The following ANKS1B variants were observed in gnomAD, a reference collection of about 807,000 sequenced individuals.
ANKS1B encodes ankyrin repeat and sterile alpha motif domain containing 1B, also known as ankyrin repeat and sterile alpha motif domain-containing protein 1B.
In ANKS1B, 36 loss-of-function variants were observed where a neutral mutation model predicts 148.3. The ratio of observed to expected loss-of-function variants is 0.24; its 90% CI spans 0.19 to 0.32. ANKS1B has a LOEUF of 0.32. Among genes scored for constraint, ANKS1B ranks in the 10% least tolerant of loss-of-function variants. The probability of loss-of-function intolerance (pLI) is 1.00; values close to 1 mark genes in which losing one functional copy is unlikely to be tolerated. For missense variants in ANKS1B, 1,157 were observed against 1,542.6 expected (o/e 0.75, Z 4.19); for synonymous variants, 542 against 560.8 (o/e 0.97, Z 0.47).
At chr12:99,847,194 C>T (rs1280249974) in intron 1 of ANKS1B, among the ~76,000 whole-genome samples, 1 of 151,566 alleles carries the variant, frequency 6.6e-6, no homozygotes, top group African/African-American at 2.4e-5. Context: ...CATTCTCAAA[C>T]TCCTAGGTTC....
intron 15 of ANKS1B, among the ~76,000 whole-genome samples, chr12:99,119,688 T>C (rs2062263024): frequency 2.0e-5 from 3 of 152,160 alleles, no homozygotes; most frequent in African/African-American, 4.8e-5. Flanking sequence ...TACTTACAAG[T>C]TGAAATTGAC....
chr12:99,165,104 G>T (rs1258071922), intron 14 of ANKS1B, among the ~76,000 whole-genome samples: 1 of 151,930 alleles, frequency 6.6e-6, no homozygotes, highest in East Asian at 1.9e-4. Flanking sequence ...TAAATGTATA[G>T]CACTAAATGC....
At chr12:98,896,242 A>T (rs2152742166) in intron 17 of ANKS1B, among the ~76,000 whole-genome samples, 1 of 152,360 alleles carries the variant, frequency 6.6e-6, no homozygotes, top group East Asian at 1.9e-4. Flanking sequence ...AAGGCTAGGC[A>T]TTTACTGCCT....
In ANKS1B at chr12:99,521,776, G is replaced by A. The variant is rs150525958; in HGVS notation, c.1273-17135C>T. ...CTGAGCCACCTGGAACTTGGGGTAT[G>A]GTGATGCAAGCACCCCTGTGGCCAC... On this transcript the variant is annotated intron_variant, in intron 9 of 26. Coordinates refer to ENST00000683438, the MANE Select transcript of ANKS1B (RefSeq NM_001352186.2). Among the ~76,000 whole-genome samples, 5 of 152,170 alleles carry A rather than the reference G, an allele frequency of 3.3e-5. No individual in the cohort carries two copies. The East Asian group carries it at 7.8e-4, about 24-fold the overall frequency.
intron 12 of ANKS1B, among the ~76,000 whole-genome samples, chr12:99,389,798 A>G (rs1210660772): frequency 1.3e-5 from 2 of 151,946 alleles, no homozygotes; most frequent in East Asian, 3.9e-4. Context: ...GATTTAAAAA[A>G]AAACAGATTT....
At chr12:99,880,739 TTCTAAG>T (rs974305273) in intron 1 of ANKS1B, among the ~76,000 whole-genome samples, 8 of 152,174 alleles carry the variant, frequency 5.3e-5, no homozygotes, top group African/African-American at 1.4e-4. Flanking sequence ...GAAATGTGTT[TTCTAAG>T]TCTATCTTCT....
intron 17 of ANKS1B, among the ~76,000 whole-genome samples, chr12:99,030,678 A>G (rs759740540): frequency 2.6e-5 from 4 of 152,184 alleles, no homozygotes; most frequent in Non-Finnish European, 5.9e-5. Context: ...GAACTGTACT[A>G]TAACTGTTAA....
chr12:99,501,089 G>GT (rs77983761), intron 10 of ANKS1B, among the ~76,000 whole-genome samples: 18,403 of 149,150 alleles, frequency 0.12, 2,629 homozygotes, highest in African/African-American at 0.35. Context: ...ATTTCTAAAA[G>GT]TTTTTTTTTT....
chr12:98,871,001 T>C lies in ANKS1B; in HGVS notation c.2779-38865A>G, dbSNP rs537991179. 4.6e-5 allele frequency among the ~76,000 whole-genome samples: 7 copies of C among 152,354 alleles called. No homozygotes were observed. The East Asian group carries it at 1.2e-3, about 25-fold the overall frequency. On this transcript the variant is annotated intron_variant, in intron 17 of 26. Coordinates refer to ENST00000683438, the MANE Select transcript of ANKS1B (RefSeq NM_001352186.2). ...CACCATTTCATTTCTTCCTTTCTCATCTGATAAAAATTTCTTCCCACCTCT... is the reference window on the plus strand; with the variant it reads ...CACCATTTCATTTCTTCCTTTCTCACCTGATAAAAATTTCTTCCCACCTCT...
At chr12:99,454,380 A>T (rs1390930652) in intron 10 of ANKS1B, among the ~76,000 whole-genome samples, 2 of 152,238 alleles carry the variant, frequency 1.3e-5, no homozygotes, top group Non-Finnish European at 2.9e-5. Context: ...AAGAGGCCAC[A>T]TCTGTGTGCT....
Position 99,134,645 on chromosome 12 carries a change from TCACACACACACACACACACACACA to T in ANKS1B, c.2526+19620_2526+19643del, listed in dbSNP as rs4016023. Among the ~76,000 whole-genome samples, 18 of 105,108 alleles carry T rather than the reference TCACACACACACACACACACACACA, an allele frequency of 1.7e-4. No individual in the cohort carries two copies. The South Asian group carries it at 2.4e-3, about 14-fold the overall frequency. The allele number at this position is 105,108 out of a possible 152,430, so 69.0% of individuals were successfully genotyped here. On this transcript the variant is annotated intron_variant, in intron 15 of 26. Coordinates refer to ENST00000683438, the MANE Select transcript of ANKS1B (RefSeq NM_001352186.2). ...CCCTTTCTGTCTCTCTCTCTCTCTC[TCACACACACACACACACACACACA>T]CACACACACACACACACACACACAC...
intron 9 of ANKS1B, among the ~76,000 whole-genome samples, chr12:99,539,499 T>C (rs1203795615): frequency 6.6e-6 from 1 of 151,892 alleles, no homozygotes; most frequent in South Asian, 2.1e-4. Flanking sequence ...AAAATATGTA[T>C]GAAAAACATA....
At chr12:99,252,864 G>A (rs1271725503) in intron 12 of ANKS1B, among the ~76,000 whole-genome samples, 2 of 152,162 alleles carry the variant, frequency 1.3e-5, no homozygotes, top group African/African-American at 4.8e-5. Context: ...AAACTTCTGG[G>A]AGAAGAATAC....
intron 1 of ANKS1B, among the ~76,000 whole-genome samples, chr12:99,983,068 G>A (rs2095729163): frequency 6.6e-6 from 1 of 152,142 alleles, no homozygotes; most frequent in African/African-American, 2.4e-5. Flanking sequence ...AATCACTTGG[G>A]CTTTCTAAAA....
At chr12:98,950,728 C>G (rs2099852868) in intron 17 of ANKS1B, among the ~76,000 whole-genome samples, 1 of 152,120 alleles carries the variant, frequency 6.6e-6, no homozygotes. Flanking sequence ...GTGACCCCAA[C>G]TTCTGTCATT....
intron 9 of ANKS1B, among the ~76,000 whole-genome samples, chr12:99,574,705 G>C (rs1246754234): frequency 1.3e-5 from 2 of 151,714 alleles, no homozygotes; most frequent in African/African-American, 4.8e-5. Flanking sequence ...ATGTGGAAAA[G>C]GCATTTGACA....
chr12:99,577,708 A>G (rs2097532125), intron 9 of ANKS1B, among the ~76,000 whole-genome samples: 1 of 152,046 alleles, frequency 6.6e-6, no homozygotes. Context: ...AAGGAGTTCC[A>G]AAACTGAATC....
intron 16 of ANKS1B, among the ~76,000 whole-genome samples, chr12:99,075,897 A>C (rs1227445414): frequency 2.0e-5 from 3 of 148,792 alleles, no homozygotes; most frequent in African/African-American, 7.3e-5. Flanking sequence ...CATATTGTAT[A>C]TAATAGGTTA....
Position 98,781,111 on chromosome 12 carries a change from A to G in ANKS1B, c.3441+6T>C. On this transcript the variant is annotated splice_donor_region_variant and intron_variant, in intron 24 of 26. Transcript: ENST00000683438. ...TGTCTAAACCAGAGAGAGGAGTGGT[A>G]CTTACCTTATTTGTTGCATCAATAA... 6.5e-7 allele frequency: 1 copy of G among 1,534,082 alleles called. No homozygotes were observed. Among genetic ancestry groups the G allele is most frequent in the African/African-American group, 1.4e-5 (1 of 73,392 alleles).
Sources: gnomAD v4.1 joint callset for allele counts (sites outside exome capture counted in the v4.1 genomes callset) on GRCh38, gnomAD v4.1.1 for gene constraint, MANE v1.5 for transcripts, NCBI Gene and HGNC (gene_info 2026-07-23, HGNC 2026-07-21) for gene names.